Variants in SSH1 observed in about 807,000 individuals in gnomAD.
SSH1 encodes the protein protein phosphatase Slingshot homolog 1.
SSH1 carries 43 observed loss-of-function variants against 79.7 expected under a neutral mutation model. The ratio of observed to expected loss-of-function variants is 0.54; its 90% CI spans 0.42 to 0.70. SSH1 has a LOEUF of 0.70. SSH1 is among the 30% of genes least tolerant of loss of function. The pLI is 0.00. For missense variants in SSH1, 1,206 were observed against 1,358.8 expected, an observed-to-expected ratio of 0.89 and a Z score of 1.77; for synonymous variants, 599 against 538.3, an observed-to-expected ratio of 1.11 and a Z score of -1.56.
chr12:108,789,249 A>G lies in SSH1; in HGVS notation c.1894-5T>C. 2 of 1,588,376 alleles carry G rather than the reference A, an allele frequency of 1.3e-6. No homozygotes were observed. The highest frequency in any genetic ancestry group is 1.7e-6 in the Non-Finnish European group (2 of 1,166,442). On this transcript the variant is annotated splice_region_variant and splice_polypyrimidine_tract_variant and intron_variant, in intron 14 of 14. Coordinates refer to ENST00000326495, the MANE Select transcript of SSH1 (RefSeq NM_018984.4). ...GATCCCAAATATAGCATCATCCTGC[A>G]AGGAAGGGGACAAGAGCATGGTGAG...
Position 108,792,917 on chromosome 12 carries a change from C to T in SSH1, c.1350-88G>A, listed in dbSNP as rs941081599. 62 of 1,548,194 alleles carry T rather than the reference C, an allele frequency of 4.0e-5. No individual in the cohort carries two copies. The African/African-American group carries it at 6.3e-4, about 16-fold the overall frequency. On this transcript the variant is annotated intron_variant, in intron 13 of 14. Transcript: ENST00000326495. ...GAGTATGCGGTGAGCCAGTGAGGGG[C>T]TGCCCAAGGTCAGGGCGCCAGGGAC...
At position 108,824,846 on chromosome 12, in the gene SSH1, G is replaced by C. The variant is rs2038254626; in HGVS notation, c.111-1485C>G. On this transcript the variant is annotated intron_variant, in intron 2 of 14. Coordinates refer to ENST00000326495, the MANE Select transcript of SSH1 (RefSeq NM_018984.4). ...TAAGACATAAGAAAAGAATGCTTCA[G>C]CTATGAATTACTATCAATTGTTCAA... Among the ~76,000 whole-genome samples the C allele has an allele frequency of 3.9e-5, 6 of 152,236 alleles. No homozygotes were observed. The South Asian group carries it at 1.2e-3, about 32-fold the overall frequency.
intron 10 of SSH1, among the ~76,000 whole-genome samples, 192 bp from the exon 11 acceptor site, chr12:108,802,560 GGGAGGGAGGGAC>G (rs1336976729): frequency 3.9e-5 from 6 of 152,178 alleles, no homozygotes; most frequent in Non-Finnish European, 8.8e-5. Context: ...ATGAGAGGAA[GGGAGGGAGGGAC>G]GGAGGGAGGG....
chr12:108,806,296 C>T lies in SSH1; in HGVS notation c.825+5G>A, dbSNP rs770033302. On this transcript the variant is annotated splice_donor_5th_base_variant and intron_variant, in intron 9 of 14. Transcript: ENST00000326495. ...GACCTGCAATGAAGGGAGGAGTTGT[C>T]TTACCTCTTTGGAAGTCACATTTTC... 2 of 1,613,974 alleles carry T rather than the reference C, an allele frequency of 1.2e-6. No individual in the cohort carries two copies. Among genetic ancestry groups the T allele is most frequent in the Admixed American group, 1.7e-5 (1 of 60,006 alleles).
At chr12:108,815,107 A>C (rs548740791) in intron 5 of SSH1, among the ~76,000 whole-genome samples, 1 of 152,336 alleles carries the variant, frequency 6.6e-6, no homozygotes, top group East Asian at 1.9e-4. Context: ...GGTGGTGTAC[A>C]GGAAGAGAGC....
intron 14 of SSH1, among the ~76,000 whole-genome samples, chr12:108,791,763 GTATC>G (rs2036511012): frequency 6.6e-6 from 1 of 152,028 alleles, no homozygotes; most frequent in African/African-American, 2.4e-5. Context: ...TCTATAGTAT[GTATC>G]TATCTATATC....
chr12:108,839,952 G>C (rs889689995), intron 2 of SSH1, among the ~76,000 whole-genome samples: 25 of 152,112 alleles, frequency 1.6e-4, no homozygotes, highest in African/African-American at 5.8e-4. Context: ...AGGGCCCTGA[G>C]AGGAGGAAGG....
chr12:108,835,353 G>C (rs754563576), intron 2 of SSH1, among the ~76,000 whole-genome samples: 2 of 152,094 alleles, frequency 1.3e-5, no homozygotes, highest in African/African-American at 4.8e-5. Context: ...AGAATCACTC[G>C]AACCCAGGAG....
chr12:108,832,619 G>C (rs1361613006), intron 2 of SSH1, among the ~76,000 whole-genome samples: 1 of 152,202 alleles, frequency 6.6e-6, no homozygotes, highest in East Asian at 1.9e-4. Context: ...CATTTGGAGA[G>C]AGATTAGCTA....
chr12:108,838,247 T>TAAA, intron 2 of SSH1, among the ~76,000 whole-genome samples: 1 of 152,350 alleles, frequency 6.6e-6, no homozygotes, highest in East Asian at 1.9e-4. Context: ...TGCATAGTTT[T>TAAA]ACCCTCACCA....
At chr12:108,843,473 C>A (rs1467773062) in intron 2 of SSH1, among the ~76,000 whole-genome samples, 1 of 151,922 alleles carries the variant, frequency 6.6e-6, no homozygotes, top group Non-Finnish European at 1.5e-5. Context: ...TCAGAGGGGC[C>A]CCGTGCTTGG....
At position 108,799,105 on chromosome 12, in the gene SSH1, G is replaced by T. The variant is rs2036876018; in HGVS notation, c.1244C>A (p.Pro415His). 6.2e-7 allele frequency: 1 copy of T among 1,614,106 alleles called. No individual in the cohort carries two copies. Among genetic ancestry groups the T allele is most frequent in the South Asian group, 1.1e-5 (1 of 91,092 alleles). Reference protein sequence around the residue: ...IAYAMKEFGWPLEKAYNYVKQ... With the variant: ...IAYAMKEFGWHLEKAYNYVKQ... ...TACATAGTTATATGCTTTTTCCAGA[G>T]GCCAGCCGAATTCCTTCATTGCATA... Residue 415 changes from proline to histidine, a missense_variant, in exon 13 of 15, where the codon CCT (proline) becomes CAT (histidine). Pro to His is a moderately conservative substitution (Grantham distance 77). Around this residue, in one of 5 missense-constraint regions of SSH1, gnomAD observed 166 missense variants for 262.9 expected, o/e 0.63. Coordinates refer to ENST00000326495, the MANE Select transcript of SSH1 (RefSeq NM_018984.4).
At chr12:108,800,239 G>A (rs2036931416) in intron 12 of SSH1, among the ~76,000 whole-genome samples, 1 of 152,156 alleles carries the variant, frequency 6.6e-6, no homozygotes, top group South Asian at 2.1e-4. Context: ...AGAGACAGGT[G>A]AAACCGCTGA....
At chr12:108,797,046 A>G (rs2036782313) in intron 13 of SSH1, among the ~76,000 whole-genome samples, 1 of 152,130 alleles carries the variant, frequency 6.6e-6, no homozygotes, top group Admixed American at 6.6e-5. Flanking sequence ...CTGGCCCCTA[A>G]TTTTCTGAAG....
rs1038434547 is a variant in SSH1, at chr12:108,794,003, G to C, written c.1350-1174C>G. Among the ~76,000 whole-genome samples the C allele has an allele frequency of 3.9e-5, 6 of 152,180 alleles. 1 individual carries two copies. The South Asian group carries it at 1.0e-3, about 26-fold the overall frequency. Reference sequence around the variant, plus strand: ...TCAGGGAGAGGTCAGTGAGATGCTCGCTCTTCCTCCTCCTCCTCTGGGCCT... The same window carrying C: ...TCAGGGAGAGGTCAGTGAGATGCTCCCTCTTCCTCCTCCTCCTCTGGGCCT... On this transcript the variant is annotated intron_variant, in intron 13 of 14. Transcript: ENST00000326495.
Position 108,787,986 on chromosome 12 carries a change from G to A in SSH1, c.*2C>T. The A allele has an allele frequency of 1.2e-6, 2 of 1,614,122 alleles. No individual in the cohort carries two copies. Among genetic ancestry groups the A allele is most frequent in the South Asian group, 1.1e-5 (1 of 91,076 alleles). On this transcript the variant is annotated 3_prime_UTR_variant, in exon 15 of 15. Transcript: ENST00000326495. ...GCCCAGCCTGACGCAGCAAAAGGCG[G>A]GTCAGCTTTTGCTCATCCACGAAGG...
intron 5 of SSH1, among the ~76,000 whole-genome samples, chr12:108,815,154 A>C (rs2037825622): frequency 6.6e-6 from 1 of 152,226 alleles, no homozygotes; most frequent in Non-Finnish European, 1.5e-5. Context: ...GCATCTACTC[A>C]TTCAGCAGGT....
intron 14 of SSH1, among the ~76,000 whole-genome samples, chr12:108,789,945 C>T (rs560467514): frequency 6.6e-6 from 1 of 152,148 alleles, no homozygotes; most frequent in Admixed American, 6.5e-5. Flanking sequence ...CCTCCTGCCT[C>T]GGCCTCCCAA....
At chr12:108,816,817 C>G (rs2037909700) in intron 5 of SSH1, among the ~76,000 whole-genome samples, 1 of 12,352 alleles carries the variant, frequency 8.1e-5, no homozygotes, top group South Asian at 1.3e-3. Context: ...TCTGTCCTCT[C>G]AATTGACTGA....
Sources: gnomAD v4.1 joint callset for allele counts (sites outside exome capture counted in the v4.1 genomes callset) on GRCh38, gnomAD v4.1.1 for gene constraint, gnomAD v4.1.1 regional missense constraint, MANE v1.5 for transcripts, NCBI Gene and HGNC (gene_info 2026-07-23, HGNC 2026-07-21) for gene names.